ARAP1: variants seen among roughly 807,000 people sequenced by gnomAD.
ARAP1 encodes the protein ArfGAP with RhoGAP domain, ankyrin repeat and PH domain 1, also known as arf-GAP with Rho-GAP domain, ANK repeat and PH domain-containing protein 1.
Under a neutral mutation model 172.2 loss-of-function variants are expected in ARAP1, and 76 were observed. The observed-to-expected ratio is 0.44, with a 90% CI of 0.37 to 0.53. The LOEUF (loss-of-function observed/expected upper bound fraction) is 0.53. ARAP1 is among the 20% of genes least tolerant of loss of function. The pLI is 0.00. For synonymous variants in ARAP1, 804 were observed against 803.3 expected, an observed-to-expected ratio of 1.00 and a Z score of -0.01; for missense variants, 1,686 against 1,977.5, an observed-to-expected ratio of 0.85 and a Z score of 2.80.
intron 2 of ARAP1, among the ~76,000 whole-genome samples, chr11:72,730,680 A>C (rs926023490): frequency 2.6e-4 from 40 of 152,086 alleles, no homozygotes; most frequent in Non-Finnish European, 1.2e-4. Flanking sequence ...AGCCTGGGGG[A>C]CACTTTGTCC....
At chr11:72,703,408 C>CGGGGGCG (rs1555013433) in intron 14 of ARAP1, 2 of 113,632 alleles carry the variant, frequency 1.8e-5, no homozygotes, top group African/African-American at 7.3e-5. Flanking sequence ...GTGGAGGAGC[C>CGGGGGCG]GGGGGGGGGG....
In ARAP1 at chr11:72,695,925, C is replaced by A; in HGVS notation, c.3273-60G>T. 1 of 1,549,476 alleles carries A rather than the reference C, an allele frequency of 6.5e-7. No individual in the cohort carries two copies. Among genetic ancestry groups the A allele is most frequent in the East Asian group, 2.3e-5 (1 of 44,138 alleles). ...GTCAGGCCAGAGCTTCCCATCTCAC[C>A]CTATTAATTTCTGACAGGTCCAAGA... On this transcript the variant is annotated intron_variant, in intron 23 of 34. Coordinates refer to ENST00000393609, the MANE Select transcript of ARAP1 (RefSeq NM_001040118.3). This position sits in a 1 kb window ranked among gnomAD's most constrained non-coding sequence, Gnocchi z 4.4.
At chr11:72,722,330 T>C in intron 3 of ARAP1, 2 of 985,456 alleles carry the variant, frequency 2.0e-6, no homozygotes, top group South Asian at 4.7e-5. Context: ...ACACACACAC[T>C]TCCTGAAAAC....
In ARAP1 at chr11:72,702,957, C is replaced by T. The variant is rs1256564692; in HGVS notation, c.2115G>A (p.Glu705=). The change falls in exon 15 of 35, where the codon GAG becomes GAA. Residue 705 remains glutamate (E), a synonymous_variant. Coordinates refer to ENST00000393609, the MANE Select transcript of ARAP1 (RefSeq NM_001040118.3). ...PEAPTPLALA[E]QAGQTLQMEF... ...CCATCTGCAGCGTCTGCCCCGCCTGCTCTGCAAGAGCCAGGGGCGTGGGGG... is the reference window on the plus strand; with the variant it reads ...CCATCTGCAGCGTCTGCCCCGCCTGTTCTGCAAGAGCCAGGGGCGTGGGGG... The T allele has an allele frequency of 6.4e-6, 10 of 1,570,860 alleles. No homozygotes were observed. The highest frequency in any genetic ancestry group is 8.6e-6 in the Non-Finnish European group (10 of 1,157,576).
At chr11:72,732,880 G>A (rs1857906010) in intron 1 of ARAP1, among the ~76,000 whole-genome samples, 1 of 152,148 alleles carries the variant, frequency 6.6e-6, no homozygotes, top group African/African-American at 2.4e-5. Context: ...GAACTCAGGA[G>A]GCTGAGGTGG....
intron 18 of ARAP1, 133 bp from the exon 19 acceptor site, chr11:72,698,239 C>A: frequency 1.8e-6 from 2 of 1,116,076 alleles, no homozygotes; most frequent in Non-Finnish European, 2.5e-6. Flanking sequence ...AAGGCAGAAC[C>A]AAGCCCAGTG....
At chr11:72,717,485 C>G (rs1857330284) in intron 3 of ARAP1, among the ~76,000 whole-genome samples, 1 of 152,210 alleles carries the variant, frequency 6.6e-6, no homozygotes, top group African/African-American at 2.4e-5. Flanking sequence ...GTCCGCATCC[C>G]TGGGGTCCGG....
At chr11:72,740,101 A>AG (rs764924376) in intron 1 of ARAP1, among the ~76,000 whole-genome samples, 1 of 152,216 alleles carries the variant, frequency 6.6e-6, no homozygotes, top group Non-Finnish European at 1.5e-5. Flanking sequence ...CCCCACACCA[A>AG]GGGAAGCAGC....
rs753474354 is a variant in ARAP1 at position 72,697,476 on chromosome 11, T to C, written c.2800A>G (p.Ile934Val). 3 of 1,613,438 alleles carry C rather than the reference T, an allele frequency of 1.9e-6. No individual in the cohort carries two copies. Among genetic ancestry groups the C allele is most frequent in the Admixed American group, 1.7e-5 (1 of 60,002 alleles). ...VLVERRRTLY[I>V]QGERRLDFMG... Reference sequence around the variant, plus strand: ...AAGTCCAGCCGCCGCTCGCCCTGTATGTACAGTGTCCTGGGCCAGGGACAG... The same window carrying C: ...AAGTCCAGCCGCCGCTCGCCCTGTACGTACAGTGTCCTGGGCCAGGGACAG... The change falls in exon 21 of 35, where the codon ATA becomes GTA. Residue 934 changes from isoleucine to valine, a missense_variant. By Grantham distance (29) the Ile-to-Val change is conservative. This residue lies in a region of ARAP1 where 274 missense variants were observed against 262.7 expected (regional missense o/e 1.04). Transcript: ENST00000393609.
rs1856041433 is a variant in ARAP1, at chr11:72,693,698, AC to A, written c.3801del (p.Tyr1268ThrfsTer13). 6.2e-7 allele frequency: 1 copy of A among 1,605,846 alleles called. No homozygotes were observed. The highest frequency in any genetic ancestry group is 1.3e-5 in the African/African-American group (1 of 74,694). On this transcript the variant is annotated frameshift_variant, in exon 28 of 35. Coordinates refer to ENST00000393609, the MANE Select transcript of ARAP1 (RefSeq NM_001040118.3). LOFTEE classifies it high-confidence loss of function. This position sits in a 1 kb window ranked among gnomAD's most constrained non-coding sequence, Gnocchi z 4.6. Reference protein sequence around the residue: ...KKHQAMEAMLLYLASRVGDTK... With the variant: ...KKHQAMEAMLXYLASRVGDTK... Reference sequence around the variant, plus strand: ...CCCTGCAGGCACCACCTACCCAGGTACAGCAGCATGGCCTCCATGGCCTGGT... The same window carrying A: ...CCCTGCAGGCACCACCTACCCAGGTAAGCAGCATGGCCTCCATGGCCTGGT...
intron 13 of ARAP1, chr11:72,705,470 G>C: frequency 3.8e-6 from 1 of 262,970 alleles, no homozygotes. Flanking sequence ...AGTGAAATTA[G>C]ATCAGAAGTT....
chr11:72,699,572 G>A lies in ARAP1; in HGVS notation c.2303-20C>T, dbSNP rs754850776. 2 of 1,606,370 alleles carry A rather than the reference G, an allele frequency of 1.2e-6. No homozygotes were observed. The highest frequency in any genetic ancestry group is 1.7e-4 in the Middle Eastern group (1 of 5,874). ...TGAACTCTGGGGAGAATTTGGGCAG[G>A]GGAGCCATCAGGGAGCCCCCCACCA... On this transcript the variant is annotated intron_variant, in intron 16 of 34. Coordinates refer to ENST00000393609, the MANE Select transcript of ARAP1 (RefSeq NM_001040118.3). This position sits in a 1 kb window ranked among gnomAD's most constrained non-coding sequence, Gnocchi z 4.2.
Position 72,704,440 on chromosome 11 carries a change from G to C in ARAP1, c.1810-106C>G, listed in dbSNP as rs2135525046. 11 of 1,255,620 alleles carry C rather than the reference G, an allele frequency of 8.8e-6. 1 individual carries two copies. The South Asian group carries it at 1.6e-4, about 18-fold the overall frequency. The allele number at this position is 1,255,620 out of a possible 1,614,324, so 77.8% of individuals were successfully genotyped here. The stretch of plus-strand genomic sequence containing the variant: ...TTAGGAAAGGGGCTGGGAGAGCCAG[G>C]CCATCTGCCCACTTTCCCAATGGGG... On this transcript the variant is annotated intron_variant, in intron 13 of 34. Transcript: ENST00000393609.
rs1858261178 is a variant in ARAP1, at chr11:72,743,431, GAC to G, written c.-128+8895_-128+8896del. On this transcript the variant is annotated intron_variant, in intron 1 of 34. Coordinates refer to ENST00000393609, the MANE Select transcript of ARAP1 (RefSeq NM_001040118.3). ...TCCTGAGCCACAGCAGCTGTGGCTGGACACACACACGGAGGCAAGAAGAGGGT... is the reference window on the plus strand; with the variant it reads ...TCCTGAGCCACAGCAGCTGTGGCTGGACACACACGGAGGCAAGAAGAGGGT... 7.9e-5 allele frequency among the ~76,000 whole-genome samples: 12 copies of G among 152,066 alleles called. 1 individual carries two copies. The South Asian group carries it at 2.3e-3, about 29-fold the overall frequency.
chr11:72,685,583 A>T lies in ARAP1; in HGVS notation c.*81T>A. Reference sequence around the variant, plus strand: ...TCCCATGCACCCCCCGCTGGCTCACATCAGGCCTTGGAGCATAAGGGGTGT... The same window carrying T: ...TCCCATGCACCCCCCGCTGGCTCACTTCAGGCCTTGGAGCATAAGGGGTGT... On this transcript the variant is annotated 3_prime_UTR_variant, in exon 35 of 35. Transcript: ENST00000393609. 22 of 1,592,786 alleles carry T rather than the reference A, an allele frequency of 1.4e-5. No homozygotes were observed. The highest frequency in any genetic ancestry group is 1.8e-5 in the Non-Finnish European group (21 of 1,160,838).
At chr11:72,736,394 G>A (rs895321531) in intron 1 of ARAP1, among the ~76,000 whole-genome samples, 1 of 151,854 alleles carries the variant, frequency 6.6e-6, no homozygotes, top group Admixed American at 6.6e-5. Context: ...AGGATCTCAT[G>A]ACCAAACCCA....
rs1020183713 is a variant in ARAP1 at position 72,710,861 on chromosome 11, G to A, written c.1213+160C>T. Among the ~76,000 whole-genome samples the A allele has an allele frequency of 7.9e-5, 12 of 152,204 alleles. No individual in the cohort carries two copies. Among genetic ancestry groups the A allele is most frequent in the African/African-American group, 2.4e-4 (10 of 41,456 alleles). On this transcript the variant is annotated intron_variant, in intron 9 of 34. Coordinates refer to ENST00000393609, the MANE Select transcript of ARAP1 (RefSeq NM_001040118.3). This position sits in a 1 kb window ranked among gnomAD's most constrained non-coding sequence, Gnocchi z 4.3. Reference sequence around the variant, plus strand: ...TGCCAAGCACAGAGCCGGTCACAGAGGGTGCCCCCTTCCTCTGCCCACCTC... The same window carrying A: ...TGCCAAGCACAGAGCCGGTCACAGAAGGTGCCCCCTTCCTCTGCCCACCTC...
At chr11:72,715,289 G>A (rs1252084391) in intron 3 of ARAP1, among the ~76,000 whole-genome samples, 1 of 152,272 alleles carries the variant, frequency 6.6e-6, no homozygotes, top group Non-Finnish European at 1.5e-5. Context: ...CAAGGTGCCT[G>A]AGCCCTGGAG....
chr11:72,709,260 T>C (rs1856904109), intron 11 of ARAP1, among the ~76,000 whole-genome samples: 1 of 152,156 alleles, frequency 6.6e-6, no homozygotes, highest in Non-Finnish European at 1.5e-5. Flanking sequence ...TATTGAGCAG[T>C]TACTACCCAG....
Sources: gnomAD v4.1 joint callset for allele counts (sites outside exome capture counted in the v4.1 genomes callset) on GRCh38, gnomAD v4.1.1 for gene constraint, gnomAD v4.1.1 regional missense constraint, Gnocchi (gnomAD v3.1) non-coding constraint, MANE v1.5 for transcripts, NCBI Gene and HGNC (gene_info 2026-07-23, HGNC 2026-07-21) for gene names.